STK3: variants seen among roughly 807,000 people sequenced by gnomAD.
STK3 encodes the protein serine/threonine-protein kinase 3.
A neutral mutation model predicts 58.0 loss-of-function variants in STK3; 41 were observed. That is an observed-to-expected ratio of 0.71 (90% CI 0.55 to 0.92). The LOEUF (loss-of-function observed/expected upper bound fraction) is 0.92. STK3 is among the 40% of genes least tolerant of loss of function. The probability of loss-of-function intolerance (pLI) is 0.00; values close to 1 mark genes in which losing one functional copy is unlikely to be tolerated. For synonymous variants in STK3, 170 were observed against 191.0 expected, an observed-to-expected ratio of 0.89 and a Z score of 0.91; for missense variants, 479 against 602.7, an observed-to-expected ratio of 0.79 and a Z score of 2.15.
intron 6 of STK3, among the ~76,000 whole-genome samples, chr8:98,681,067 C>T (rs889982689): frequency 6.7e-6 from 1 of 148,630 alleles, no homozygotes; most frequent in African/African-American, 2.5e-5. Flanking sequence ...GGCATGATCT[C>T]GGCTCACTGC....
chr8:98,579,791 TAAA>T lies in STK3; in HGVS notation c.823-5_823-3del. On this transcript the variant is annotated splice_region_variant and splice_polypyrimidine_tract_variant and intron_variant, in intron 7 of 10. Coordinates refer to ENST00000419617, the MANE Select transcript of STK3 (RefSeq NM_006281.4). ...TTTGGCATTCTTGATAAAAGGATGC[TAAA>T]AAAGTAAAATTCAATGGTATAAATT... 6.4e-7 allele frequency: 1 copy of T among 1,567,094 alleles called. No homozygotes were observed. The highest frequency in any genetic ancestry group is 1.4e-5 in the African/African-American group (1 of 71,890).
intron 1 of STK3, among the ~76,000 whole-genome samples, chr8:98,915,120 T>A (rs1434097191): frequency 6.6e-6 from 1 of 152,102 alleles, no homozygotes; most frequent in African/African-American, 2.4e-5. Flanking sequence ...AAAGTATTGA[T>A]CCTGGGTGTG....
At chr8:98,566,767 G>A (rs1011707312) in intron 8 of STK3, among the ~76,000 whole-genome samples, 1 of 152,002 alleles carries the variant, frequency 6.6e-6, no homozygotes, top group Non-Finnish European at 1.5e-5. Flanking sequence ...AGCAAAAGTT[G>A]GCAATACAGA....
At chr8:98,922,625 A>G (rs1839609536) in intron 1 of STK3, among the ~76,000 whole-genome samples, 1 of 152,228 alleles carries the variant, frequency 6.6e-6, no homozygotes. Context: ...GAAACAAATA[A>G]AAAGGGATTC....
At chr8:98,843,202 G>A (rs903807846) in intron 3 of STK3, among the ~76,000 whole-genome samples, 1 of 151,988 alleles carries the variant, frequency 6.6e-6, no homozygotes, top group Non-Finnish European at 1.5e-5. Context: ...TGACTTTTTG[G>A]AATACATAAA....
At chr8:98,755,245 C>G (rs1290015745) in intron 3 of STK3, among the ~76,000 whole-genome samples, 1 of 152,234 alleles carries the variant, frequency 6.6e-6, no homozygotes, top group East Asian at 1.9e-4. Context: ...CCAGGCATTT[C>G]ACCAGATGTT....
At chr8:98,606,742 C>T (rs1475903379) in intron 6 of STK3, among the ~76,000 whole-genome samples, 1 of 152,202 alleles carries the variant, frequency 6.6e-6, no homozygotes, top group Admixed American at 6.5e-5. Flanking sequence ...AAAAGGAAGT[C>T]ACACAGGCTC....
In STK3 at chr8:98,858,315, T is replaced by TAGAG. The variant is rs1207681611; in HGVS notation, c.110+25331_110+25332insCTCT. On this transcript the variant is annotated intron_variant, in intron 3 of 12. Coordinates refer to the STK3 transcript ENST00000523601. Reference sequence around the variant, plus strand: ...GTATATATATATATATATATATATATATATATATAGAGAGAGAGAGAGAGA... The same window carrying TAGAG: ...GTATATATATATATATATATATATATAGAGATATATATAGAGAGAGAGAGAGAGA... Among the ~76,000 whole-genome samples, 199 of 57,208 alleles carry TAGAG rather than the reference T, an allele frequency of 3.5e-3. 2 individuals carry two copies. The highest frequency in any genetic ancestry group is 5.3e-3 in the South Asian group (5 of 950). 37.5% of individuals were successfully genotyped at this position (57,208 alleles called of 152,430 possible). A position where few individuals can be genotyped will look rare whatever the true frequency, so the allele number is the denominator to read the frequency against.
At chr8:98,849,085 G>T (rs983842383) in intron 3 of STK3, among the ~76,000 whole-genome samples, 111 of 152,030 alleles carry the variant, frequency 7.3e-4, no homozygotes, top group African/African-American at 2.5e-3. Context: ...AATTAGCTGG[G>T]CGTGGTGGCT....
chr8:98,760,373 C>G (rs1830543249), intron 3 of STK3, among the ~76,000 whole-genome samples: 1 of 152,152 alleles, frequency 6.6e-6, no homozygotes, highest in African/African-American at 2.4e-5. Context: ...TTCCTGGCTT[C>G]AAGTGACCCT....
chr8:98,577,829 T>C (rs1024708679), intron 8 of STK3, among the ~76,000 whole-genome samples: 1 of 152,086 alleles, frequency 6.6e-6, no homozygotes, highest in Admixed American at 6.6e-5. Flanking sequence ...ACATGATATT[T>C]AAAGCTGAGA....
intron 3 of STK3, among the ~76,000 whole-genome samples, chr8:98,421,942 G>A (rs1336664402): frequency 1.3e-5 from 2 of 152,120 alleles, no homozygotes; most frequent in African/African-American, 4.8e-5. Context: ...GAACTTGAGG[G>A]CTCCAACCCC....
chr8:98,680,932 T>C (rs1266614559), intron 6 of STK3, among the ~76,000 whole-genome samples: 3 of 152,026 alleles, frequency 2.0e-5, no homozygotes, highest in Non-Finnish European at 4.4e-5. Flanking sequence ...TTACATCAGT[T>C]TTAATTAGTC....
At chr8:98,568,209 A>C (rs1812665215) in intron 8 of STK3, among the ~76,000 whole-genome samples, 1 of 152,214 alleles carries the variant, frequency 6.6e-6, no homozygotes, top group Non-Finnish European at 1.5e-5. Context: ...TAGAACACAC[A>C]GGTTTACACC....
intron 9 of STK3, among the ~76,000 whole-genome samples, chr8:98,537,013 T>C (rs1809822606): frequency 6.6e-6 from 1 of 152,338 alleles, no homozygotes; most frequent in South Asian, 2.1e-4. Flanking sequence ...TACTCAAAAA[T>C]TTTAAAAATA....
downstream of STK3, among the ~76,000 whole-genome samples, chr8:98,368,763 C>T (rs867229170): frequency 5.3e-5 from 8 of 152,144 alleles, no homozygotes; most frequent in Non-Finnish European, 1.2e-4. Context: ...CTGATGGTGC[C>T]ATCTTGGAGG....
At chr8:98,389,788 A>G (rs1817829309), upstream of STK3, among the ~76,000 whole-genome samples, 1 of 150,734 alleles carries the variant, frequency 6.6e-6, no homozygotes. Context: ...AGGAAGTGAG[A>G]TGAAGCTTCT....
intron 4 of STK3, among the ~76,000 whole-genome samples, chr8:98,714,865 C>T (rs1826867081): frequency 6.6e-6 from 1 of 152,308 alleles, no homozygotes; most frequent in East Asian, 1.9e-4. Context: ...AGGCATCACA[C>T]TACCTGACTT....
intron 1 of STK3, among the ~76,000 whole-genome samples, chr8:98,934,591 T>C (rs1395353250): frequency 6.6e-6 from 1 of 152,136 alleles, no homozygotes; most frequent in Non-Finnish European, 1.5e-5. Context: ...GTAGAACCAA[T>C]GACAGTGATT....
Sources: gnomAD v4.1 joint callset for allele counts (sites outside exome capture counted in the v4.1 genomes callset) on GRCh38, gnomAD v4.1.1 for gene constraint, MANE v1.5 for transcripts, NCBI Gene and HGNC (gene_info 2026-07-23, HGNC 2026-07-21) for gene names.